ARSH: variants seen among roughly 807,000 people sequenced by gnomAD.
ARSH encodes the protein arylsulfatase family member H.
In ARSH, 32 loss-of-function variants were observed where a neutral mutation model predicts 28.7. The ratio of observed to expected loss-of-function variants is 1.11; its 90% CI spans 0.84 to 1.50. The LOEUF (loss-of-function observed/expected upper bound fraction) is 1.50. Among genes scored for constraint, ARSH ranks in the 40% most tolerant of loss-of-function variants. The pLI is 0.00. For synonymous variants in ARSH, 176 were observed against 177.3 expected, an observed-to-expected ratio of 0.99 and a Z score of 0.06; for missense variants, 440 against 452.4, an observed-to-expected ratio of 0.97 and a Z score of 0.25.
At chrX:3,013,628 C>G (rs1036914829) in intron 3 of ARSH, among the ~76,000 whole-genome samples, 1 of 109,710 alleles carries the variant, frequency 9.1e-6, no homozygotes, top group Admixed American at 9.9e-5. Context: ...TGTGAGGGAG[C>G]CTTTCACCGA....
intron 4 of ARSH, among the ~76,000 whole-genome samples, chrX:3,016,006 T>A (rs762037431): frequency 7.2e-4 from 78 of 107,728 alleles, no homozygotes; most frequent in Admixed American, 3.8e-3. Flanking sequence ...TGTTTTAATT[T>A]TTTTTTTTTT....
At chrX:3,030,988 A>G (rs759398990) in intron 8 of ARSH, among the ~76,000 whole-genome samples, 13 of 110,379 alleles carry the variant, frequency 1.2e-4, no homozygotes, top group African/African-American at 4.3e-4. Flanking sequence ...TGTCCCTACA[A>G]AGAAAAAAAA....
chrX:3,019,630 C>G (rs978924123), intron 5 of ARSH, among the ~76,000 whole-genome samples: 1 of 111,233 alleles, frequency 9.0e-6, no homozygotes, highest in Non-Finnish European at 1.9e-5. Flanking sequence ...GTGCAAACTT[C>G]TGAAAACGGT....
At chrX:3,030,266 G>A (rs187294227) in intron 8 of ARSH, among the ~76,000 whole-genome samples, 246 of 111,092 alleles carry the variant, frequency 2.2e-3, no homozygotes, top group Non-Finnish European at 3.7e-3. Context: ...GCTTCACACT[G>A]GTAGTTTGAG....
intron 1 of ARSH, among the ~76,000 whole-genome samples, chrX:3,008,639 TC>T (rs1374839750): frequency 1.8e-5 from 2 of 109,878 alleles, no homozygotes; most frequent in Non-Finnish European, 3.8e-5. Context: ...AGCCTTGACC[TC>T]CCAGGCTCAA....
intron 2 of ARSH, among the ~76,000 whole-genome samples, chrX:3,012,568 A>AATATAT (rs1183166715): frequency 8.7e-4 from 19 of 21,812 alleles, no homozygotes; most frequent in African/African-American, 4.5e-3. Flanking sequence ...AAAAAAAAAA[A>AATATAT]ATATATATAT....
rs1309632402 is a variant in ARSH, at chrX:3,027,260, A to G, written c.1037-53A>G. ...CAGGCGTGAGCCACCGTGCCCGGCC[A>G]ATATGGTTGGGTTTTAACTCATCTT... On this transcript the variant is annotated intron_variant, in intron 6 of 8. Coordinates refer to ENST00000381130, the MANE Select transcript of ARSH (RefSeq NM_001011719.2). 2.3e-5 allele frequency: 27 copies of G among 1,184,219 alleles called. No homozygotes were observed. The Admixed American group carries it at 6.0e-4, about 26-fold the overall frequency.
At chrX:3,012,603 T>TATATATAATATATATATATATA (rs1555914148) in intron 2 of ARSH, among the ~76,000 whole-genome samples, 1 of 26,801 alleles carries the variant, frequency 3.7e-5, no homozygotes, top group Non-Finnish European at 5.7e-5. Context: ...ATATATAATA[T>TATATATAATATATATATATATA]ATATATGTAT....
intron 5 of ARSH, among the ~76,000 whole-genome samples, chrX:3,020,396 T>C (rs1210795168): frequency 9.6e-6 from 1 of 104,373 alleles, no homozygotes; most frequent in Non-Finnish European, 2.0e-5. Flanking sequence ...GAGACCATCC[T>C]GGCTAACACG....
chrX:3,032,592 G>GGAGGGAGGGAGAGACAGAA (rs953091060), intron 8 of ARSH, among the ~76,000 whole-genome samples: 13 of 109,595 alleles, frequency 1.2e-4, no homozygotes, highest in African/African-American at 3.3e-4. Flanking sequence ...GAAGGGAAGA[G>GGAGGGAGGGAGAGACAGAA]GAGGGAGGGA....
chrX:3,030,558 T>C (rs182930291), intron 8 of ARSH, among the ~76,000 whole-genome samples: 30 of 111,593 alleles, frequency 2.7e-4, no homozygotes, highest in African/African-American at 8.1e-4. Context: ...CTCACAATCA[T>C]GGTGGAAGGC....
chrX:3,032,832 C>T (rs1028576366), intron 8 of ARSH, among the ~76,000 whole-genome samples, 186 bp from the exon 9 acceptor site: 1 of 111,999 alleles, frequency 8.9e-6, no homozygotes, highest in African/African-American at 3.2e-5. Flanking sequence ...CTAAAAATGT[C>T]TGCAAGTTTG....
intron 4 of ARSH, among the ~76,000 whole-genome samples, chrX:3,017,295 G>A (rs1327434117): frequency 1.2e-4 from 13 of 111,542 alleles, no homozygotes. Context: ...GTCAGGTGTG[G>A]TGGCTCATGT....
intron 8 of ARSH, among the ~76,000 whole-genome samples, chrX:3,032,433 G>GGGGAA (rs201401989): frequency 9.6e-6 from 1 of 104,120 alleles, no homozygotes; most frequent in African/African-American, 3.5e-5. Flanking sequence ...AAGGAAGGAA[G>GGGGAA]GGGAAGGGAA....
intron 6 of ARSH, among the ~76,000 whole-genome samples, chrX:3,024,955 C>G (rs1261694534): frequency 1.8e-5 from 2 of 111,099 alleles, no homozygotes; most frequent in Non-Finnish European, 3.8e-5. Flanking sequence ...AAATCGTCAT[C>G]ATTATAAAAT....
intron 6 of ARSH, among the ~76,000 whole-genome samples, chrX:3,024,707 A>T (rs1039532892): frequency 1.7e-4 from 19 of 111,469 alleles, no homozygotes; most frequent in Non-Finnish European, 3.2e-4. Flanking sequence ...TGTTATGTGG[A>T]TCAGAAAAAA....
intron 5 of ARSH, among the ~76,000 whole-genome samples, chrX:3,022,870 A>T (rs917778579): frequency 4.5e-5 from 5 of 110,887 alleles, no homozygotes. Context: ...GGCTTTGCTC[A>T]TATGTTCCTG....
In ARSH at chrX:3,010,089, C is replaced by T; in HGVS notation, c.152C>T (p.Ala51Val). Residue 51 changes from alanine to valine, a missense_variant, in exon 2 of 9, where the codon GCT (alanine) becomes GTT (valine). Ala to Val is a moderately conservative substitution (Grantham distance 64). Coordinates refer to ENST00000381130, the MANE Select transcript of ARSH (RefSeq NM_001011719.2). Reference protein sequence around the residue: ...EGVRLTQHLAAASMCTPSRAA... With the variant: ...EGVRLTQHLAVASMCTPSRAA... The stretch of plus-strand genomic sequence containing the variant: ...GTGAGGCTTACCCAGCATCTCGCAG[C>T]TGCTTCCATGTGCACCCCAAGTCGG... 8.3e-7 allele frequency: 1 copy of T among 1,211,422 alleles called. No homozygotes were observed. Among genetic ancestry groups the T allele is most frequent in the Non-Finnish European group, 1.1e-6 (1 of 895,073 alleles).
chrX:3,015,805 A>G (rs781216141), intron 4 of ARSH, among the ~76,000 whole-genome samples: 3 of 109,773 alleles, frequency 2.7e-5, no homozygotes, highest in Non-Finnish European at 5.7e-5. Context: ...GCACATGGAG[A>G]CCCTGTATCG....
Sources: allele counts gnomAD v4.1 joint callset (sites outside exome capture counted in the v4.1 genomes callset), GRCh38; gene constraint gnomAD v4.1.1; transcripts MANE v1.5; gene names NCBI Gene and HGNC (gene_info 2026-07-23, HGNC 2026-07-21).